The following RPH3AL variants were observed in gnomAD, a reference collection of about 807,000 sequenced individuals.
RPH3AL encodes rab effector Noc2.
In RPH3AL, 38 loss-of-function variants were observed where a neutral mutation model predicts 43.1. That is an observed-to-expected ratio of 0.88 (90% CI 0.68 to 1.15). RPH3AL has a LOEUF of 1.15. Among genes scored for constraint, RPH3AL ranks in the 50% most tolerant of loss-of-function variants. The pLI is 0.00. For missense variants in RPH3AL, 462 were observed against 423.2 expected (o/e 1.09, Z -0.81); for synonymous variants, 189 against 176.3 (o/e 1.07, Z -0.57).
intron 6 of RPH3AL, among the ~76,000 whole-genome samples, chr17:261,233 C>T (rs1234178509): frequency 6.6e-6 from 1 of 152,230 alleles, no homozygotes; most frequent in African/African-American, 2.4e-5. Context: ...TGTTGAAGCT[C>T]TAACCCTCAT....
At chr17:244,109 C>CTT (rs1447292292) in intron 7 of RPH3AL, among the ~76,000 whole-genome samples, 1 of 146,538 alleles carries the variant, frequency 6.8e-6, no homozygotes, top group Non-Finnish European at 1.5e-5. Context: ...TATTGATTAC[C>CTT]CCTCTATTGA....
At chr17:249,149 C>T (rs1351760539) in intron 6 of RPH3AL, among the ~76,000 whole-genome samples, 1 of 152,116 alleles carries the variant, frequency 6.6e-6, no homozygotes, top group Non-Finnish European at 1.5e-5. Flanking sequence ...AGCCTCTTTT[C>T]TGATGAAGGA....
Position 347,476 on chromosome 17 carries a change from C to T in RPH3AL, c.-213+5236G>A, listed in dbSNP as rs117195906. On this transcript the variant is annotated intron_variant, in intron 1 of 9. Transcript: ENST00000331302. Reference sequence around the variant, plus strand: ...GCACATGCCCACAGTCCCAGCTCCTCGAGAGGCTGAGATGGGAGGATGGCT... The same window carrying T: ...GCACATGCCCACAGTCCCAGCTCCTTGAGAGGCTGAGATGGGAGGATGGCT... Among the ~76,000 whole-genome samples, 621 of 152,088 alleles carry T rather than the reference C, an allele frequency of 4.1e-3. 2 individuals carry two copies. The highest frequency in any genetic ancestry group is 7.0e-3 in the Non-Finnish European group (473 of 67,988).
In RPH3AL at chr17:290,738, C is replaced by T. The variant is rs56260554; in HGVS notation, c.352-8884G>A. On this transcript the variant is annotated intron_variant, in intron 5 of 9. Transcript: ENST00000331302. This position sits in a 1 kb window ranked among gnomAD's most constrained non-coding sequence, Gnocchi z 4.2. ...CACCACGCTCCCGCAGATCAGAAGA[C>T]GGGAAGGGGCTTAGTGCCAATGTAG... is the stretch of plus-strand genomic sequence containing the variant. 0.091 allele frequency among the ~76,000 whole-genome samples: 13,768 copies of T among 152,098 alleles called. 1,338 individuals are homozygous for T. The highest frequency in any genetic ancestry group is 0.26 in the East Asian group (1,356 of 5,156).
At chr17:306,255 A>G (rs1397854906) in intron 5 of RPH3AL, among the ~76,000 whole-genome samples, 1 of 150,894 alleles carries the variant, frequency 6.6e-6, no homozygotes, top group East Asian at 2.0e-4. Context: ...CACCGCCAAC[A>G]TGCCCCACGA....
chr17:340,388 A>C, intron 1 of RPH3AL, among the ~76,000 whole-genome samples: 1 of 150,990 alleles, frequency 6.6e-6, no homozygotes. Context: ...AGGCCTCCCC[A>C]CATCCACACT....
chr17:216,730 T>C (rs553301152), intron 8 of RPH3AL, among the ~76,000 whole-genome samples: 3 of 152,218 alleles, frequency 2.0e-5, no homozygotes, highest in Admixed American at 2.0e-4. Flanking sequence ...CCAGGGACAG[T>C]TTTCATCTCT....
At chr17:343,114 G>A (rs935831528) in intron 1 of RPH3AL, among the ~76,000 whole-genome samples, 4 of 152,224 alleles carry the variant, frequency 2.6e-5, no homozygotes, top group African/African-American at 9.6e-5. Context: ...GGAGGACACA[G>A]ACAATGACCT....
chr17:332,859 G>A, intron 2 of RPH3AL: 1 of 492,066 alleles, frequency 2.0e-6, no homozygotes, highest in Non-Finnish European at 3.3e-6. Context: ...CAGCACTCGG[G>A]CTGGCCGGCC....
intron 6 of RPH3AL, among the ~76,000 whole-genome samples, chr17:259,889 T>A (rs1421771847): frequency 6.6e-6 from 1 of 152,230 alleles, no homozygotes; most frequent in African/African-American, 2.4e-5. Context: ...TAACAATTGC[T>A]AATCACTGGC....
In RPH3AL at chr17:333,427, A is replaced by C; in HGVS notation, c.-37+332T>G. 1 of 675,180 alleles carries C rather than the reference A, an allele frequency of 1.5e-6. No individual in the cohort carries two copies. Among genetic ancestry groups the C allele is most frequent in the South Asian group, 1.8e-5 (1 of 56,642 alleles). 41.8% of individuals were successfully genotyped at this position (675,180 alleles called of 1,614,324 possible). A position where few individuals can be genotyped will look rare whatever the true frequency, so the allele number is the denominator to read the frequency against. Reference sequence around the variant, plus strand: ...GGCATTTATGTACAAATTGTAATAAAATTGGGTTCTTACTGCATACGCTGC... The same window carrying C: ...GGCATTTATGTACAAATTGTAATAACATTGGGTTCTTACTGCATACGCTGC... On this transcript the variant is annotated intron_variant, in intron 2 of 9. Transcript: ENST00000331302. This position sits in a 1 kb window ranked among gnomAD's most constrained non-coding sequence, Gnocchi z 4.5.
intron 5 of RPH3AL, 77 bp from the exon 6 acceptor site, chr17:281,931 G>A (rs944630970): frequency 1.2e-5 from 13 of 1,066,312 alleles, no homozygotes; most frequent in African/African-American, 7.8e-5. Context: ...CAACTGTAAC[G>A]AAGGGACACT....
chr17:285,782 G>GCCTGCTCC (rs1225088470), intron 5 of RPH3AL, among the ~76,000 whole-genome samples: 2 of 152,138 alleles, frequency 1.3e-5, no homozygotes, highest in Non-Finnish European at 2.9e-5. Context: ...CCTGCCAACA[G>GCCTGCTCC]CCTGCTCCCC....
intron 5 of RPH3AL, among the ~76,000 whole-genome samples, chr17:311,989 G>A (rs1053113103): frequency 7.2e-5 from 11 of 152,110 alleles, no homozygotes; most frequent in South Asian, 2.1e-4. Context: ...GCCCTAATCC[G>A]ATAGGACTAG....
In RPH3AL at chr17:213,589, T is replaced by C. The variant is rs2040721556; in HGVS notation, c.*263A>G. ...AAACTTAAAATCATCACCAGGTAGA[T>C]TGGGGGTGTGGGAGGGGAGGGTAAT... On this transcript the variant is annotated 3_prime_UTR_variant, in exon 10 of 10. Transcript: ENST00000331302. 1 of 541,190 alleles carries C rather than the reference T, an allele frequency of 1.8e-6. No homozygotes were observed. Among genetic ancestry groups the C allele is most frequent in the African/African-American group, 1.9e-5 (1 of 52,022 alleles). 33.5% of individuals were successfully genotyped at this position (541,190 alleles called of 1,614,324 possible). A position where few individuals can be genotyped will look rare whatever the true frequency, so the allele number is the denominator to read the frequency against.
intron 7 of RPH3AL, among the ~76,000 whole-genome samples, chr17:227,870 C>T (rs1238009438): frequency 1.3e-5 from 2 of 151,378 alleles, no homozygotes; most frequent in South Asian, 2.1e-4. Context: ...ATTTTGCATA[C>T]TAAAAACAAA....
In RPH3AL at chr17:219,526, CTTTTT is replaced by C. The variant is rs375837087; in HGVS notation, c.727+92_727+96del. On this transcript the variant is annotated intron_variant, in intron 8 of 9. Transcript: ENST00000331302. Reference sequence around the variant, plus strand: ...AGTTTCATTTCTTTTCTTTTTCTTCCTTTTTTTTTTTTTTTTGAGATGGAGTTTCG... The same window carrying C: ...AGTTTCATTTCTTTTCTTTTTCTTCCTTTTTTTTTTTGAGATGGAGTTTCG... The C allele has an allele frequency of 7.0e-5, 10 of 143,828 alleles. 1 individual carries two copies. Among genetic ancestry groups the C allele is most frequent in the Middle Eastern group, 3.1e-3 (2 of 636 alleles). The allele number at this position is 143,828 out of a possible 1,614,324, so 8.9% of individuals were successfully genotyped here. A position where few individuals can be genotyped will look rare whatever the true frequency, so the allele number is the denominator to read the frequency against.
chr17:295,519 A>ATGG (rs1435773258), intron 5 of RPH3AL, among the ~76,000 whole-genome samples: 465 of 76,738 alleles, frequency 6.1e-3, no homozygotes, highest in East Asian at 0.012. Flanking sequence ...GCAGAAATGG[A>ATGG]AAGCAGAGGG....
intron 6 of RPH3AL, among the ~76,000 whole-genome samples, chr17:272,965 G>GGAGAGACCCCAGCAAGGGCGAC (rs2042521606): frequency 1.9e-5 from 1 of 53,270 alleles, no homozygotes; most frequent in African/African-American, 5.8e-5. Context: ...GCTACGTCAG[G>GGAGAGACCCCAGCAAGGGCGAC]GTGAGACCCC....
Sources: allele counts gnomAD v4.1 joint callset (sites outside exome capture counted in the v4.1 genomes callset), GRCh38; gene constraint gnomAD v4.1.1; non-coding constraint Gnocchi (gnomAD v3.1); transcripts MANE v1.5; gene names NCBI Gene and HGNC (gene_info 2026-07-23, HGNC 2026-07-21).